Variants in TSNARE1 observed in about 807,000 individuals in gnomAD.
TSNARE1 encodes the protein t-SNARE domain containing 1.
Under a neutral mutation model 62.0 loss-of-function variants are expected in TSNARE1, and 49 were observed. The observed-to-expected ratio is 0.79, with a 90% CI of 0.63 to 1.00. The LOEUF is 1.00. Ranked by LOEUF, TSNARE1 falls within the 50% of genes least tolerant of loss-of-function variation. The pLI, the probability that TSNARE1 is intolerant of heterozygous loss-of-function variation, is 0.00. For missense variants in TSNARE1, 755 were observed against 700.1 expected (o/e 1.08, Z -0.88); for synonymous variants, 328 against 294.4 (o/e 1.11, Z -1.17).
Position 142,314,382 on chromosome 8 carries a change from A to C in TSNARE1, c.1131+2T>G, listed in dbSNP as rs747861998. 2 of 1,613,514 alleles carry C rather than the reference A, an allele frequency of 1.2e-6. No individual in the cohort carries two copies. The highest frequency in any genetic ancestry group is 3.3e-5 in the Admixed American group (2 of 59,958). On this transcript the variant is annotated splice_donor_variant, in intron 9 of 13. Coordinates refer to ENST00000524325, the MANE Select transcript of TSNARE1 (RefSeq NM_145003.5). LOFTEE classifies it high-confidence loss of function. The stretch of plus-strand genomic sequence containing the variant: ...TGACCATGGTCAGTACTCGGCACCC[A>C]CCTGTTTACTGCCCCTCTGCGCCAT...
intron 13 of TSNARE1, among the ~76,000 whole-genome samples, chr8:142,225,402 C>A (rs1295763044): frequency 1.3e-5 from 2 of 152,078 alleles, no homozygotes; most frequent in South Asian, 2.1e-4. Context: ...TCAGCCACCT[C>A]CCCTGCCTCT....
intron 9 of TSNARE1, among the ~76,000 whole-genome samples, chr8:142,307,052 T>C (rs1432517302): frequency 1.3e-5 from 2 of 152,206 alleles, no homozygotes; most frequent in East Asian, 3.9e-4. Flanking sequence ...AGAAATGGAA[T>C]CCCACAGTCT....
At chr8:142,281,444 C>A (rs536557961) in intron 11 of TSNARE1, among the ~76,000 whole-genome samples, 1 of 152,120 alleles carries the variant, frequency 6.6e-6, no homozygotes, top group African/African-American at 2.4e-5. Flanking sequence ...GGTCAGCATC[C>A]CCTCAAAAGC....
chr8:142,371,420 T>C (rs1357113487), intron 1 of TSNARE1, among the ~76,000 whole-genome samples: 2 of 152,180 alleles, frequency 1.3e-5, no homozygotes, highest in African/African-American at 4.8e-5. Flanking sequence ...GGTGAAAATG[T>C]CCGGTGTCTT....
intron 4 of TSNARE1, among the ~76,000 whole-genome samples, chr8:142,334,735 A>G (rs546283652): frequency 2.0e-5 from 3 of 152,360 alleles, no homozygotes; most frequent in African/African-American, 4.8e-5. Context: ...AAGAAAAAAC[A>G]TAAGAAGGAC....
intron 9 of TSNARE1, among the ~76,000 whole-genome samples, chr8:142,303,591 G>C (rs929240759): frequency 4.6e-5 from 7 of 152,232 alleles, no homozygotes; most frequent in Admixed American, 2.0e-4. Flanking sequence ...ACTGGGACTG[G>C]AGCAGATGGA....
chr8:142,308,510 C>T (rs954954546), intron 9 of TSNARE1, among the ~76,000 whole-genome samples: 9 of 152,168 alleles, frequency 5.9e-5, no homozygotes, highest in Admixed American at 1.3e-4. Flanking sequence ...AACCCAGCCG[C>T]CACGTACGTG....
At chr8:142,351,203 G>A (rs758772373) in intron 2 of TSNARE1, among the ~76,000 whole-genome samples, 10 of 152,226 alleles carry the variant, frequency 6.6e-5, no homozygotes, top group Non-Finnish European at 1.0e-4. Context: ...GCTGTGACGC[G>A]TCTGAGTCTA....
chr8:142,262,270 C>A (rs1286378011), intron 12 of TSNARE1, among the ~76,000 whole-genome samples: 1 of 152,014 alleles, frequency 6.6e-6, no homozygotes, highest in Non-Finnish European at 1.5e-5. Flanking sequence ...TTGCATTGAG[C>A]CTATAGATTT....
intron 9 of TSNARE1, among the ~76,000 whole-genome samples, chr8:142,312,769 G>A (rs1002451156): frequency 1.3e-5 from 2 of 152,188 alleles, no homozygotes; most frequent in Admixed American, 6.5e-5. Flanking sequence ...TTATTCCTAA[G>A]GGTCCTGAAC....
At position 142,229,597 on chromosome 8, in the gene TSNARE1, G is replaced by A. The variant is rs11988486; in HGVS notation, c.1447-18C>T. 4,022 of 1,604,672 alleles carry A rather than the reference G, an allele frequency of 2.5e-3. 82 individuals are homozygous for A. The African/African-American group carries it at 0.047, about 19-fold the overall frequency. On this transcript the variant is annotated intron_variant, in intron 12 of 13. Transcript: ENST00000524325. Reference sequence around the variant, plus strand: ...CTCTGGAGCTGGGAGAGAGAGAGAGGTTGTTTCCATATCCTGGTCCTCCAA... The same window carrying A: ...CTCTGGAGCTGGGAGAGAGAGAGAGATTGTTTCCATATCCTGGTCCTCCAA...
chr8:142,299,724 A>C (rs1292334866), intron 10 of TSNARE1, among the ~76,000 whole-genome samples: 1 of 151,968 alleles, frequency 6.6e-6, no homozygotes, highest in Admixed American at 6.6e-5. Context: ...ACGCACTCAC[A>C]TGCACGCACA....
At chr8:142,256,142 C>CCACCACCACTGTCACCAT (rs1368929649) in intron 12 of TSNARE1, among the ~76,000 whole-genome samples, 2 of 127,086 alleles carry the variant, frequency 1.6e-5, no homozygotes, top group African/African-American at 3.0e-5. Flanking sequence ...ACCGTCACCA[C>CCACCACCACTGTCACCAT]CACCACCACT....
At chr8:142,325,139 G>T (rs536430191) in intron 6 of TSNARE1, among the ~76,000 whole-genome samples, 1 of 152,228 alleles carries the variant, frequency 6.6e-6, no homozygotes, top group Non-Finnish European at 1.5e-5. Context: ...CGAGTGGGCC[G>T]GCAAGGCCTG....
At chr8:142,250,891 C>T (rs952199219) in intron 12 of TSNARE1, among the ~76,000 whole-genome samples, 18 of 152,334 alleles carry the variant, frequency 1.2e-4, no homozygotes, top group Admixed American at 3.9e-4. Flanking sequence ...CTGCCTGTGC[C>T]TCTCGGAGAG....
intron 1 of TSNARE1, among the ~76,000 whole-genome samples, chr8:142,361,382 C>T (rs1179248459): frequency 2.0e-5 from 3 of 152,214 alleles, no homozygotes; most frequent in Non-Finnish European, 4.4e-5. Context: ...AGGACATGAG[C>T]GCAGGGACGG....
intron 12 of TSNARE1, chr8:142,270,716 G>T: frequency 1.0e-6 from 1 of 985,364 alleles, no homozygotes; most frequent in Non-Finnish European, 1.2e-6. Flanking sequence ...CAGTGAGCAG[G>T]GGGCCCCTCA....
Position 142,314,949 on chromosome 8 carries a change from C to T in TSNARE1, c.1074+54G>A, listed in dbSNP as rs377144085. ...ACAGCCATGACAGTGCTCCGGGAAC[C>T]GAGGCCGACCCCACCTGGCCTGCAG... On this transcript the variant is annotated intron_variant, in intron 8 of 13. Transcript: ENST00000524325. 140 of 1,574,218 alleles carry T rather than the reference C, an allele frequency of 8.9e-5. 1 individual carries two copies. The highest frequency in any genetic ancestry group is 5.0e-4 in the Middle Eastern group (3 of 6,014).
At chr8:142,283,008 G>A (rs558195035) in intron 11 of TSNARE1, among the ~76,000 whole-genome samples, 169 of 150,184 alleles carry the variant, frequency 1.1e-3, no homozygotes, top group African/African-American at 3.9e-3. Flanking sequence ...CTGCCAATGA[G>A]CAGAGGCGGG....
Sources: allele counts gnomAD v4.1 joint callset (sites outside exome capture counted in the v4.1 genomes callset), GRCh38; gene constraint gnomAD v4.1.1; transcripts MANE v1.5; gene names NCBI Gene and HGNC (gene_info 2026-07-23, HGNC 2026-07-21).